KCNMA1: variants seen among roughly 807,000 people sequenced by gnomAD.
The protein encoded by KCNMA1 is Calcium-activated potassium channel subunit alpha-1.
In KCNMA1, 29 loss-of-function variants were observed where a neutral mutation model predicts 140.0. The observed-to-expected ratio is 0.21, with a 90% CI of 0.15 to 0.28. The LOEUF (loss-of-function observed/expected upper bound fraction) is 0.28. KCNMA1 is among the 10% of genes least tolerant of loss of function. The pLI, the probability that KCNMA1 is intolerant of heterozygous loss-of-function variation, is 1.00. For missense variants in KCNMA1, 880 were observed against 1,602.2 expected, an observed-to-expected ratio of 0.55 and a Z score of 7.70; for synonymous variants, 612 against 611.9, an observed-to-expected ratio of 1.00 and a Z score of 0.00.
At chr10:77,173,350 C>T (rs1432428310) in intron 5 of KCNMA1, among the ~76,000 whole-genome samples, 2 of 152,072 alleles carry the variant, frequency 1.3e-5, no homozygotes, top group East Asian at 1.9e-4. Flanking sequence ...CTGAGCTCTA[C>T]CATTTACTCA....
At chr10:77,345,181 T>G (rs190258198) in intron 2 of KCNMA1, among the ~76,000 whole-genome samples, 190 of 152,354 alleles carry the variant, frequency 1.2e-3, no homozygotes, top group African/African-American at 2.0e-3. Flanking sequence ...GGCTTCCTTG[T>G]GTTTCCTGCC....
chr10:76,974,289 G>T (rs1592451137), intron 19 of KCNMA1: 1 of 516,782 alleles, frequency 1.9e-6, no homozygotes, highest in Non-Finnish European at 3.4e-6. Flanking sequence ...CCAGTTTGGG[G>T]GTGAGGTCGT....
At chr10:77,501,340 C>G (rs2043803177) in intron 1 of KCNMA1, among the ~76,000 whole-genome samples, 2 of 152,160 alleles carry the variant, frequency 1.3e-5, no homozygotes, top group South Asian at 4.1e-4. Flanking sequence ...CCTCCAGCCC[C>G]ACTGCTCTCC....
chr10:77,300,425 T>G (rs1375064655), intron 2 of KCNMA1, among the ~76,000 whole-genome samples: 1 of 152,206 alleles, frequency 6.6e-6, no homozygotes, highest in African/African-American at 2.4e-5. Flanking sequence ...CAGGTAGAGT[T>G]GTTGTGAGGA....
At chr10:76,946,608 G>A (rs1252065330) in intron 22 of KCNMA1, among the ~76,000 whole-genome samples, 2 of 152,186 alleles carry the variant, frequency 1.3e-5, no homozygotes, top group African/African-American at 4.8e-5. Context: ...CCAAGCTCTG[G>A]AGCAGCGTCT....
At chr10:77,473,326 C>T (rs563806927) in intron 1 of KCNMA1, among the ~76,000 whole-genome samples, 9 of 152,290 alleles carry the variant, frequency 5.9e-5, no homozygotes, top group East Asian at 3.9e-4. Context: ...CTCTGAGAAA[C>T]GGAGCAGTGA....
chr10:77,141,022 T>C (rs2098155645), intron 5 of KCNMA1, among the ~76,000 whole-genome samples: 1 of 152,128 alleles, frequency 6.6e-6, no homozygotes. Flanking sequence ...AGGATTCCCT[T>C]AGAGGATGTG....
At chr10:77,134,063 T>C (rs112429070) in intron 5 of KCNMA1, among the ~76,000 whole-genome samples, 1,624 of 152,166 alleles carry the variant, frequency 0.011, 34 homozygotes, top group African/African-American at 0.037. Flanking sequence ...CCTCATACCA[T>C]AATGGAAATA....
In KCNMA1 at chr10:77,247,910, C is replaced by A. The variant is rs555009383; in HGVS notation, c.602+3285G>T. Among the ~76,000 whole-genome samples the A allele has an allele frequency of 4.6e-5, 7 of 152,224 alleles. No individual in the cohort carries two copies. In the East Asian group the frequency reaches 1.4e-3, roughly 29 times the overall value. On this transcript the variant is annotated intron_variant, in intron 3 of 27. Coordinates refer to ENST00000286628, the MANE Select transcript of KCNMA1 (RefSeq NM_001161352.2). The stretch of plus-strand genomic sequence containing the variant: ...TCCAGGAGCTCTGAGGACAATCTGT[C>A]TTAGCCAGATAGTAATCACTTGCAG...
intron 2 of KCNMA1, among the ~76,000 whole-genome samples, chr10:77,300,352 C>T (rs1334962857): frequency 6.6e-6 from 1 of 152,162 alleles, no homozygotes; most frequent in African/African-American, 2.4e-5. Flanking sequence ...TTTGAATAAG[C>T]TATTCAATCT....
At chr10:77,352,113 C>G (rs558019075) in intron 2 of KCNMA1, among the ~76,000 whole-genome samples, 3 of 152,224 alleles carry the variant, frequency 2.0e-5, no homozygotes, top group Non-Finnish European at 4.4e-5. Context: ...CACAAATGGG[C>G]TAAAACACGT....
chr10:76,986,003 T>C (rs914588701), intron 19 of KCNMA1, among the ~76,000 whole-genome samples: 3 of 152,182 alleles, frequency 2.0e-5, no homozygotes, highest in Non-Finnish European at 4.4e-5. Flanking sequence ...AAACCTCAAA[T>C]GGGATCAAAG....
At chr10:77,345,901 T>C (rs958096509) in intron 2 of KCNMA1, among the ~76,000 whole-genome samples, 1 of 152,174 alleles carries the variant, frequency 6.6e-6, no homozygotes, top group Non-Finnish European at 1.5e-5. Flanking sequence ...ACCTTGGCCT[T>C]GTCATCATCT....
At chr10:77,442,571 C>A (rs578065917) in intron 1 of KCNMA1, among the ~76,000 whole-genome samples, 6 of 152,226 alleles carry the variant, frequency 3.9e-5, no homozygotes, top group African/African-American at 1.4e-4. Context: ...CCCACCTGTA[C>A]AATGGGCACA....
At chr10:77,014,452 AT>A (rs984669305) in intron 17 of KCNMA1, among the ~76,000 whole-genome samples, 1 of 149,950 alleles carries the variant, frequency 6.7e-6, no homozygotes, top group Admixed American at 6.7e-5. Flanking sequence ...AAAAAAAAAA[AT>A]CTGTCTTTGC....
intron 17 of KCNMA1, among the ~76,000 whole-genome samples, chr10:77,017,379 C>T (rs2092258741): frequency 6.6e-6 from 1 of 152,236 alleles, no homozygotes; most frequent in African/African-American, 2.4e-5. Flanking sequence ...GATTGGAGCA[C>T]AGGGAGAGGG....
intron 25 of KCNMA1, among the ~76,000 whole-genome samples, chr10:76,897,313 T>G (rs751250848): frequency 2.6e-5 from 4 of 151,466 alleles, no homozygotes; most frequent in African/African-American, 4.9e-5. Flanking sequence ...CAAGTTAATG[T>G]GGCCAACTCC....
chr10:77,486,792 CA>C (rs1346746880), intron 1 of KCNMA1, among the ~76,000 whole-genome samples: 1 of 152,222 alleles, frequency 6.6e-6, no homozygotes, highest in Non-Finnish European at 1.5e-5. Flanking sequence ...TAATAAGAAG[CA>C]GCTTCCTCTG....
chr10:77,383,408 C>T (rs921879231), intron 2 of KCNMA1, among the ~76,000 whole-genome samples: 9 of 81,316 alleles, frequency 1.1e-4, no homozygotes, highest in African/African-American at 4.9e-4. Context: ...TGCTTAACCT[C>T]GAGATTTTTT....
Sources: gnomAD v4.1 joint callset for allele counts (sites outside exome capture counted in the v4.1 genomes callset) on GRCh38, gnomAD v4.1.1 for gene constraint, MANE v1.5 for transcripts, NCBI Gene and HGNC (gene_info 2026-07-23, HGNC 2026-07-21) for gene names.